Variants in SLC1A2 observed in about 807,000 individuals in gnomAD.
SLC1A2 encodes the protein solute carrier family 1 member 2.
In SLC1A2, 15 loss-of-function variants were observed where a neutral mutation model predicts 48.8. The ratio of observed to expected loss-of-function variants is 0.31; its 90% CI spans 0.21 to 0.47. The LOEUF is 0.47. Among genes scored for constraint, SLC1A2 ranks in the 20% least tolerant of loss-of-function variants. SLC1A2 has a pLI of 0.99. For synonymous variants in SLC1A2, 279 were observed against 272.6 expected, an observed-to-expected ratio of 1.02 and a Z score of -0.23; for missense variants, 502 against 730.5, an observed-to-expected ratio of 0.69 and a Z score of 3.61.
At chr11:35,281,026 C>A in intron 8 of SLC1A2, 25 bp from the exon 9 acceptor site, 1 of 1,555,994 alleles carries the variant, frequency 6.4e-7, no homozygotes, top group Non-Finnish European at 8.7e-7. Flanking sequence ...AAGTTCAGGT[C>A]ATGGAAATGG....
intron 1 of SLC1A2, chr11:35,391,138 T>C (rs1358481850): frequency 6.6e-6 from 1 of 152,190 alleles, no homozygotes; most frequent in Admixed American, 6.5e-5. Context: ...TTGCCATCTA[T>C]TTTTGTAAAT....
intron 1 of SLC1A2, among the ~76,000 whole-genome samples, chr11:35,398,685 T>C (rs1338018735): frequency 6.6e-6 from 1 of 152,004 alleles, no homozygotes; most frequent in Non-Finnish European, 1.5e-5. Flanking sequence ...AAGAAAAAAA[T>C]ATATATGGCC....
chr11:35,372,704 G>A (rs1450326974), intron 1 of SLC1A2, among the ~76,000 whole-genome samples: 5 of 152,058 alleles, frequency 3.3e-5, no homozygotes, highest in African/African-American at 9.7e-5. Flanking sequence ...AGCACTTATA[G>A]ACAATAATAA....
Position 35,260,822 on chromosome 11 carries a change from G to A in SLC1A2, c.*72C>T, listed in dbSNP as rs928929158. On this transcript the variant is annotated 3_prime_UTR_variant, in exon 11 of 11. Transcript: ENST00000278379. ...CGCATTTTTTTCCTTTTTAAAGAAAGCTTGTTTATATCATCAGTTACCATA... is the reference window on the plus strand; with the variant it reads ...CGCATTTTTTTCCTTTTTAAAGAAAACTTGTTTATATCATCAGTTACCATA... The A allele has an allele frequency of 1.8e-6, 2 of 1,101,634 alleles. No homozygotes were observed. Among genetic ancestry groups the A allele is most frequent in the African/African-American group, 3.1e-5 (2 of 64,458 alleles). The allele number at this position is 1,101,634 out of a possible 1,614,324, so 68.2% of individuals were successfully genotyped here.
chr11:35,319,886 G>A lies in SLC1A2; in HGVS notation c.18-2370C>T, dbSNP rs149355109. Among the ~76,000 whole-genome samples, 1,420 of 152,334 alleles carry A rather than the reference G, an allele frequency of 9.3e-3. 19 individuals are homozygous for A. Among genetic ancestry groups the A allele is most frequent in the Middle Eastern group, 0.024 (7 of 294 alleles). On this transcript the variant is annotated intron_variant, in intron 1 of 10. Coordinates refer to ENST00000278379, the MANE Select transcript of SLC1A2 (RefSeq NM_004171.4). ...TGAGTTACCCTCTTGGAATTAAACAGATATGGAAGACTTGTAAGAGTTCTT... is the reference window on the plus strand; with the variant it reads ...TGAGTTACCCTCTTGGAATTAAACAAATATGGAAGACTTGTAAGAGTTCTT...
At chr11:35,323,423 G>A (rs1852141450) in intron 1 of SLC1A2, 1 of 152,302 alleles carries the variant, frequency 6.6e-6, no homozygotes, top group Admixed American at 6.5e-5. Context: ...ACGTTCTAAT[G>A]TAAGATATCA....
chr11:35,272,618 A>C (rs962903970), intron 9 of SLC1A2, among the ~76,000 whole-genome samples: 4 of 152,190 alleles, frequency 2.6e-5, no homozygotes, highest in African/African-American at 9.7e-5. Context: ...CTTCACAGGC[A>C]GAGTTTCATT....
intron 2 of SLC1A2, chr11:35,315,749 G>A (rs1421400681): frequency 6.8e-6 from 1 of 147,930 alleles, no homozygotes; most frequent in Non-Finnish European, 1.5e-5. Flanking sequence ...GAGCTGAGAT[G>A]GTGCCATTGC....
intron 9 of SLC1A2, among the ~76,000 whole-genome samples, chr11:35,267,236 C>A (rs1850119750): frequency 6.6e-6 from 1 of 152,202 alleles, no homozygotes; most frequent in Non-Finnish European, 1.5e-5. Context: ...AAAGCACGAA[C>A]TTTAGAGGCA....
At chr11:35,379,515 C>T (rs1454434397) in intron 1 of SLC1A2, among the ~76,000 whole-genome samples, 1 of 152,204 alleles carries the variant, frequency 6.6e-6, no homozygotes, top group Non-Finnish European at 1.5e-5. Flanking sequence ...GAGAGATCAC[C>T]TAGCAATTTG....
chr11:35,320,044 A>C (rs1305190196), intron 1 of SLC1A2, among the ~76,000 whole-genome samples: 1 of 152,228 alleles, frequency 6.6e-6, no homozygotes, highest in African/African-American at 2.4e-5. Flanking sequence ...TAATTAGTCT[A>C]ACTAATCACT....
intron 7 of SLC1A2, among the ~76,000 whole-genome samples, chr11:35,290,148 G>A (rs527622637): frequency 6.6e-6 from 1 of 152,246 alleles, no homozygotes; most frequent in South Asian, 2.1e-4. Context: ...ACATTTTTCT[G>A]AATAGCAATC....
intron 1 of SLC1A2, among the ~76,000 whole-genome samples, chr11:35,383,755 C>A (rs560909081): frequency 6.6e-6 from 1 of 152,332 alleles, no homozygotes; most frequent in Non-Finnish European, 1.5e-5. Flanking sequence ...TCTTTCTCAT[C>A]TCTGTATTCC....
At chr11:35,322,804 G>C in intron 1 of SLC1A2, 1 of 709,722 alleles carries the variant, frequency 1.4e-6, no homozygotes, top group Non-Finnish European at 2.5e-6. Flanking sequence ...AGGAAGCAGA[G>C]ATTTCAGCTT....
chr11:35,340,353 A>G (rs1165681700), intron 1 of SLC1A2, among the ~76,000 whole-genome samples: 1 of 152,236 alleles, frequency 6.6e-6, no homozygotes, highest in Non-Finnish European at 1.5e-5. Flanking sequence ...AGGGCTGTCC[A>G]CAGTCTGGCC....
upstream of SLC1A2, chr11:35,419,591 C>G (rs1216946157): frequency 6.3e-6 from 1 of 158,548 alleles, no homozygotes; most frequent in African/African-American, 2.4e-5. This position sits in a 1 kb window ranked among gnomAD's most constrained non-coding sequence, Gnocchi z 5.4. Context: ...CTTTAACCGC[C>G]GCCCCCCGCC....
chr11:35,394,469 G>A (rs533064289), intron 1 of SLC1A2, among the ~76,000 whole-genome samples: 78 of 151,930 alleles, frequency 5.1e-4, no homozygotes, highest in African/African-American at 1.7e-3. Flanking sequence ...TAACTCCCCT[G>A]ATGAAAAAAA....
At chr11:35,334,475 T>G (rs554883990) in intron 1 of SLC1A2, among the ~76,000 whole-genome samples, 45 of 152,316 alleles carry the variant, frequency 3.0e-4, no homozygotes, top group African/African-American at 1.1e-3. Flanking sequence ...GTCACATAAT[T>G]TACAACTTTG....
chr11:35,292,533 A>G lies in SLC1A2; in HGVS notation c.858-13T>C. On this transcript the variant is annotated splice_polypyrimidine_tract_variant and intron_variant, in intron 6 of 10. Transcript: ENST00000278379. ...CAGGGGAGAGTACCTGAAAAACACA[A>G]AAGGGAAAAACAGCATTGAAGAGAT... 1 of 1,559,390 alleles carries G rather than the reference A, an allele frequency of 6.4e-7. No individual in the cohort carries two copies. Among genetic ancestry groups the G allele is most frequent in the Non-Finnish European group, 8.8e-7 (1 of 1,131,566 alleles).
Sources: gnomAD v4.1 joint callset for allele counts (sites outside exome capture counted in the v4.1 genomes callset) on GRCh38, gnomAD v4.1.1 for gene constraint, Gnocchi (gnomAD v3.1) non-coding constraint, MANE v1.5 for transcripts, NCBI Gene and HGNC (gene_info 2026-07-23, HGNC 2026-07-21) for gene names.